Variants in MAN1A1 observed in about 807,000 individuals in gnomAD.
MAN1A1 encodes the protein mannosyl-oligosaccharide 1,2-alpha-mannosidase IA.
Under a neutral mutation model 70.8 loss-of-function variants are expected in MAN1A1, and 29 were observed. The observed-to-expected ratio is 0.41, with a 90% CI of 0.31 to 0.56. MAN1A1 has a LOEUF of 0.56. Among genes scored for constraint, MAN1A1 ranks in the 20% least tolerant of loss-of-function variants. The pLI is 0.29. For synonymous variants in MAN1A1, 349 were observed against 330.1 expected, an observed-to-expected ratio of 1.06 and a Z score of -0.62; for missense variants, 747 against 841.3, an observed-to-expected ratio of 0.89 and a Z score of 1.39.
rs1773799820 is a variant in MAN1A1, at chr6:119,348,493, G to A, written c.573C>T (p.Ala191=). ...TGATCTTTGCCCTTTTCTCGCGGAT[G>A]GCGGCGTCGGCGGGCTCCCGGCTCT... The part of the protein sequence containing the change: ...GVESREPADA[A]IREKRAKIKE... Residue 191 remains alanine (A), a synonymous_variant, in exon 2 of 13, where the codon GCC becomes GCT. Transcript: ENST00000368468. The A allele has an allele frequency of 1.9e-6, 3 of 1,608,852 alleles. No homozygotes were observed. The highest frequency in any genetic ancestry group is 2.5e-6 in the Non-Finnish European group (3 of 1,177,412).
chr6:119,242,305 G>A (rs1205569887), intron 6 of MAN1A1, among the ~76,000 whole-genome samples: 2 of 152,040 alleles, frequency 1.3e-5, no homozygotes, highest in African/African-American at 2.4e-5. Context: ...TAATTTTAGG[G>A]AGCAAATTTA....
chr6:119,254,064 C>A (rs1482875157), intron 5 of MAN1A1, among the ~76,000 whole-genome samples: 9 of 152,128 alleles, frequency 5.9e-5, no homozygotes, highest in African/African-American at 2.2e-4. Context: ...CATCCTTCTA[C>A]CTAAACTGGT....
At chr6:119,345,021 T>C (rs2114513755) in intron 2 of MAN1A1, among the ~76,000 whole-genome samples, 1 of 152,150 alleles carries the variant, frequency 6.6e-6, no homozygotes, top group African/African-American at 2.4e-5. Context: ...GATTCCAGCC[T>C]GAGAAGAAAG....
At chr6:119,196,858 G>T (rs551352262) in intron 8 of MAN1A1, among the ~76,000 whole-genome samples, 4 of 152,292 alleles carry the variant, frequency 2.6e-5, no homozygotes, top group South Asian at 4.1e-4. Context: ...ATCAAGGGAT[G>T]ATAAATACTC....
At chr6:119,350,423 G>C (rs1291384817), upstream of MAN1A1, 1 of 443,024 alleles carries the variant, frequency 2.3e-6, no homozygotes. Context: ...TTCTGTGCTT[G>C]CTTAGGACTT....
intron 4 of MAN1A1, among the ~76,000 whole-genome samples, chr6:119,292,997 C>T (rs1772089104): frequency 6.6e-6 from 1 of 151,390 alleles, no homozygotes; most frequent in African/African-American, 2.4e-5. Flanking sequence ...CTTAAACCCT[C>T]AAATCATATT....
At chr6:119,339,528 G>A (rs754601031) in intron 2 of MAN1A1, among the ~76,000 whole-genome samples, 10 of 151,746 alleles carry the variant, frequency 6.6e-5, no homozygotes, top group African/African-American at 2.2e-4. Flanking sequence ...GGGTGGGAAC[G>A]AACTTACATA....
At chr6:119,248,234 A>G (rs990838036) in intron 6 of MAN1A1, 26 bp downstream of exon 6, 1 of 1,429,966 alleles carries the variant, frequency 7.0e-7, no homozygotes, top group Non-Finnish European at 9.9e-7. Context: ...ACCTTAAAAC[A>G]TGTTGTTGAA....
At chr6:119,320,232 A>G (rs1438513032) in intron 2 of MAN1A1, among the ~76,000 whole-genome samples, 2 of 152,182 alleles carry the variant, frequency 1.3e-5, no homozygotes, top group Non-Finnish European at 2.9e-5. Context: ...TCCGCCTCCC[A>G]AAGTGCTGGG....
chr6:119,275,467 C>T lies in MAN1A1; in HGVS notation c.897+15216G>A, dbSNP rs930747916. Reference sequence around the variant, plus strand: ...GACTACAGGCGCCCGCCACTACGCCCGGCTAATTTTTTGTATTTTTAGTAG... The same window carrying T: ...GACTACAGGCGCCCGCCACTACGCCTGGCTAATTTTTTGTATTTTTAGTAG... On this transcript the variant is annotated intron_variant, in intron 5 of 12. Coordinates refer to ENST00000368468, the MANE Select transcript of MAN1A1 (RefSeq NM_005907.4). 6.1e-5 allele frequency among the ~76,000 whole-genome samples: 9 copies of T among 147,538 alleles called. 1 individual carries two copies. Among genetic ancestry groups the T allele is most frequent in the African/African-American group, 1.5e-4 (6 of 39,674 alleles).
At chr6:119,232,418 T>A (rs947905378) in intron 6 of MAN1A1, among the ~76,000 whole-genome samples, 5 of 148,012 alleles carry the variant, frequency 3.4e-5, no homozygotes, top group Non-Finnish European at 7.5e-5. Flanking sequence ...TACTTAATGA[T>A]CAATATACTA....
At chr6:119,186,541 GAA>G (rs1216323683) in intron 11 of MAN1A1, among the ~76,000 whole-genome samples, 1 of 152,160 alleles carries the variant, frequency 6.6e-6, no homozygotes, top group Non-Finnish European at 1.5e-5. Context: ...ATTCTTGAAG[GAA>G]AGAAGACTGG....
chr6:119,334,778 A>T (rs961772655), intron 2 of MAN1A1, among the ~76,000 whole-genome samples: 3 of 152,346 alleles, frequency 2.0e-5, no homozygotes, highest in South Asian at 2.1e-4. Flanking sequence ...CCATATGCCT[A>T]ATTATTGAGC....
At chr6:119,276,164 A>G (rs1776058561) in intron 5 of MAN1A1, among the ~76,000 whole-genome samples, 1 of 152,106 alleles carries the variant, frequency 6.6e-6, no homozygotes, top group African/African-American at 2.4e-5. Context: ...TGACCCTTCT[A>G]TGTTATTCAG....
At chr6:119,238,425 G>A (rs1774915143) in intron 6 of MAN1A1, among the ~76,000 whole-genome samples, 1 of 152,176 alleles carries the variant, frequency 6.6e-6, no homozygotes. Flanking sequence ...CTTGTATAAT[G>A]AACTCGAACA....
chr6:119,298,231 T>C (rs940232809), intron 4 of MAN1A1, among the ~76,000 whole-genome samples: 1 of 152,204 alleles, frequency 6.6e-6, no homozygotes, highest in Non-Finnish European at 1.5e-5. Context: ...CTACAGATAC[T>C]TGAACTGAAT....
chr6:119,306,294 A>G (rs1324492946), intron 3 of MAN1A1, among the ~76,000 whole-genome samples: 2 of 152,180 alleles, frequency 1.3e-5, no homozygotes, highest in Non-Finnish European at 2.9e-5. Flanking sequence ...TGTGTTACTT[A>G]GCTTCCTTAC....
At chr6:119,327,998 C>G (rs143872387) in intron 2 of MAN1A1, among the ~76,000 whole-genome samples, 1 of 152,228 alleles carries the variant, frequency 6.6e-6, no homozygotes, top group African/African-American at 2.4e-5. Context: ...AGATTCTCCC[C>G]CAGAGCCAGA....
intron 5 of MAN1A1, among the ~76,000 whole-genome samples, chr6:119,265,365 C>G (rs1398017737): frequency 6.6e-6 from 1 of 152,114 alleles, no homozygotes; most frequent in Non-Finnish European, 1.5e-5. Context: ...TCCAAAAGTT[C>G]TGGGATCATA....
Sources: gnomAD v4.1 joint callset for allele counts (sites outside exome capture counted in the v4.1 genomes callset) on GRCh38, gnomAD v4.1.1 for gene constraint, MANE v1.5 for transcripts, NCBI Gene and HGNC (gene_info 2026-07-23, HGNC 2026-07-21) for gene names.